EXOC6: variants seen among roughly 807,000 people sequenced by gnomAD.
The protein encoded by EXOC6 is SEC15-like 1.
In EXOC6, 60 loss-of-function variants were observed where a neutral mutation model predicts 112.5. That is an observed-to-expected ratio of 0.53 (90% CI 0.43 to 0.66). The LOEUF (loss-of-function observed/expected upper bound fraction) is 0.66. Among genes scored for constraint, EXOC6 ranks in the 30% least tolerant of loss-of-function variants. The pLI is 0.00. For synonymous variants in EXOC6, 295 were observed against 308.0 expected (o/e 0.96, Z 0.44); for missense variants, 855 against 957.1 (o/e 0.89, Z 1.41).
chr10:92,943,802 T>C (rs12781574), intron 13 of EXOC6, among the ~76,000 whole-genome samples: 1 of 152,168 alleles, frequency 6.6e-6, no homozygotes, highest in Non-Finnish European at 1.5e-5. Context: ...CACCTTGCTG[T>C]GGAATAGATC....
intron 13 of EXOC6, among the ~76,000 whole-genome samples, chr10:92,947,522 A>G (rs751897043): frequency 2.0e-5 from 3 of 152,250 alleles, no homozygotes; most frequent in South Asian, 2.1e-4. Flanking sequence ...GGCTAAGCAA[A>G]TGTAACACAT....
chr10:93,045,576 G>GT (rs1845971084), intron 20 of EXOC6, among the ~76,000 whole-genome samples: 1 of 152,136 alleles, frequency 6.6e-6, no homozygotes, highest in Non-Finnish European at 1.5e-5. Flanking sequence ...GTCTTCCTTT[G>GT]TTGCTCAAGT....
intron 20 of EXOC6, among the ~76,000 whole-genome samples, chr10:93,026,149 A>G (rs1015106486): frequency 6.6e-6 from 1 of 152,328 alleles, no homozygotes; most frequent in East Asian, 1.9e-4. Flanking sequence ...TGCTCTTGGT[A>G]GACATATGAA....
chr10:92,934,458 A>G (rs1852236937), intron 11 of EXOC6, 28 bp downstream of exon 11: 1 of 1,521,442 alleles, frequency 6.6e-7, no homozygotes, highest in African/African-American at 1.4e-5. Context: ...CATTACTAAA[A>G]TTTTAATTCA....
At chr10:92,998,110 G>C (rs1363547715) in intron 19 of EXOC6, among the ~76,000 whole-genome samples, 1 of 151,614 alleles carries the variant, frequency 6.6e-6, no homozygotes, top group Non-Finnish European at 1.5e-5. Flanking sequence ...TTTTTTTTTA[G>C]GTAACAAGGC....
At chr10:93,053,321 AG>A (rs1267036293) in intron 20 of EXOC6, among the ~76,000 whole-genome samples, 1 of 152,234 alleles carries the variant, frequency 6.6e-6, no homozygotes, top group African/African-American at 2.4e-5. Flanking sequence ...GCATAATGTT[AG>A]GTGGGACCCA....
At chr10:93,053,237 C>T (rs1385350629) in intron 20 of EXOC6, among the ~76,000 whole-genome samples, 1 of 152,144 alleles carries the variant, frequency 6.6e-6, no homozygotes, top group Non-Finnish European at 1.5e-5. Context: ...CAATCAAAGA[C>T]CAGGGTCATC....
In EXOC6 at chr10:92,916,829, A is replaced by G. The variant is rs190649011; in HGVS notation, c.819+916A>G. Among the ~76,000 whole-genome samples, 58 of 152,248 alleles carry G rather than the reference A, an allele frequency of 3.8e-4. No homozygotes were observed. In the East Asian group the frequency reaches 0.011, roughly 29 times the overall value. The stretch of plus-strand genomic sequence containing the variant: ...ATTTCAAGTTGACAAAGTCAGTCAG[A>G]TTGTATTGAGCTATTAGGACAATGG... On this transcript the variant is annotated intron_variant, in intron 7 of 21. Coordinates refer to ENST00000260762, the MANE Select transcript of EXOC6 (RefSeq NM_019053.6).
At position 92,920,245 on chromosome 10, in the gene EXOC6, A is replaced by G. The variant is rs535250521; in HGVS notation, c.888+195A>G. ...TTTCAAGTGATATACCATTTCATGT[A>G]TATTTTAAGAACCTTGTAATAGTAT... On this transcript the variant is annotated intron_variant, in intron 8 of 21. Coordinates refer to ENST00000260762, the MANE Select transcript of EXOC6 (RefSeq NM_019053.6). Among the ~76,000 whole-genome samples the G allele has an allele frequency of 2.0e-4, 30 of 152,278 alleles. No individual in the cohort carries two copies. The East Asian group carries it at 5.8e-3, about 29-fold the overall frequency.
At chr10:92,879,178 A>G (rs1848827237) in intron 1 of EXOC6, among the ~76,000 whole-genome samples, 1 of 152,208 alleles carries the variant, frequency 6.6e-6, no homozygotes, top group Admixed American at 6.5e-5. Context: ...ATAGTTTAGA[A>G]GTAGATTAAA....
At chr10:93,012,538 G>T (rs1360746225) in intron 19 of EXOC6, among the ~76,000 whole-genome samples, 1 of 152,090 alleles carries the variant, frequency 6.6e-6, no homozygotes, top group Admixed American at 6.5e-5. Flanking sequence ...TTATACAACA[G>T]CAACATTCCC....
chr10:93,036,295 C>T (rs990597184), intron 20 of EXOC6, among the ~76,000 whole-genome samples: 2 of 152,124 alleles, frequency 1.3e-5, no homozygotes, highest in African/African-American at 4.8e-5. Context: ...TATTTCCCTC[C>T]AGACCTTTGT....
intron 6 of EXOC6, among the ~76,000 whole-genome samples, chr10:92,913,624 G>A (rs921780232): frequency 1.3e-5 from 2 of 152,152 alleles, no homozygotes; most frequent in Non-Finnish European, 2.9e-5. Context: ...ACATCACCTT[G>A]TCTGTGAAAT....
intron 19 of EXOC6, among the ~76,000 whole-genome samples, chr10:93,008,378 G>A (rs963228703): frequency 1.3e-5 from 2 of 152,178 alleles, no homozygotes; most frequent in African/African-American, 4.8e-5. Context: ...TGGGAAACCA[G>A]GATCAATGTG....
intron 19 of EXOC6, among the ~76,000 whole-genome samples, chr10:92,998,423 T>G (rs1001923887): frequency 2.6e-5 from 4 of 152,104 alleles, no homozygotes; most frequent in Non-Finnish European, 5.9e-5. Flanking sequence ...GAGGAAAAAT[T>G]TGCAATAATG....
At chr10:92,840,873 G>T (rs1410761711) in intron 1 of EXOC6, among the ~76,000 whole-genome samples, 2 of 151,948 alleles carry the variant, frequency 1.3e-5, no homozygotes, top group Non-Finnish European at 2.9e-5. Flanking sequence ...GTCCAGGCTG[G>T]TCTTGAACTT....
intron 1 of EXOC6, chr10:92,877,992 T>G (rs1848758564): frequency 6.5e-6 from 1 of 154,534 alleles, no homozygotes; most frequent in Admixed American, 6.6e-5. Context: ...CCATTTCCTA[T>G]TGCTGGAATT....
chr10:92,954,698 G>A lies in EXOC6; in HGVS notation c.1595G>A (p.Cys532Tyr). 6 of 1,607,196 alleles carry A rather than the reference G, an allele frequency of 3.7e-6. No homozygotes were observed. The highest frequency in any genetic ancestry group is 5.1e-6 in the Non-Finnish European group (6 of 1,174,906). Residue 532 changes from cysteine (C) to tyrosine (Y), a missense_variant, in exon 16 of 22, where the codon TGT becomes TAT. Physicochemically the swap from Cys to Tyr is radical, Grantham distance 194. This residue lies in a region of EXOC6 where 450 missense variants were observed against 563.5 expected (regional missense o/e 0.80). Coordinates refer to ENST00000260762, the MANE Select transcript of EXOC6 (RefSeq NM_019053.6). ...CTGCTGACCAGAACTTTGAGTAGCTGTTTACTGAACCTTATTAGAAAACCT... is the reference window on the plus strand; with the variant it reads ...CTGCTGACCAGAACTTTGAGTAGCTATTTACTGAACCTTATTAGAAAACCT... Reference protein sequence around the residue: ...NLLLTRTLSSCLLNLIRKPHI... With the variant: ...NLLLTRTLSSYLLNLIRKPHI...
intron 5 of EXOC6, among the ~76,000 whole-genome samples, chr10:92,909,046 G>A (rs780519683): frequency 4.1e-4 from 62 of 152,110 alleles, no homozygotes; most frequent in Non-Finnish European, 7.8e-4. Context: ...GTGATACTGT[G>A]TGGATGGATA....
Sources: gnomAD v4.1 joint callset for allele counts (sites outside exome capture counted in the v4.1 genomes callset) on GRCh38, gnomAD v4.1.1 for gene constraint, gnomAD v4.1.1 regional missense constraint, MANE v1.5 for transcripts, NCBI Gene and HGNC (gene_info 2026-07-23, HGNC 2026-07-21) for gene names.